WRN: variants seen among roughly 807,000 people sequenced by gnomAD.
The protein encoded by WRN is WRN RecQ like helicase, also known as bifunctional 3'-5' exonuclease/ATP-dependent helicase WRN.
In WRN, 149 loss-of-function variants were observed where a neutral mutation model predicts 180.7. The ratio of observed to expected loss-of-function variants is 0.82; its 90% confidence interval spans 0.72 to 0.94. WRN has a LOEUF of 0.94. Ranked by LOEUF, WRN falls within the 40% of genes least tolerant of loss-of-function variation. The pLI, the probability that WRN is intolerant of heterozygous loss-of-function variation, is 0.00. For synonymous variants in WRN, 548 were observed against 568.9 expected (o/e 0.96, Z 0.52); for missense variants, 1,661 against 1,700.1 (o/e 0.98, Z 0.40).
intron 1 of WRN, among the ~76,000 whole-genome samples, chr8:31,034,330 A>T (rs777167051): frequency 6.6e-6 from 1 of 152,204 alleles, no homozygotes; most frequent in Non-Finnish European, 1.5e-5. Context: ...CCTGCTGTCT[A>T]TGATTTAGCA....
At chr8:31,101,787 CAAAAAAAAAAAA>C (rs60342321) in intron 18 of WRN, among the ~76,000 whole-genome samples, 3 of 42,056 alleles carry the variant, frequency 7.1e-5, no homozygotes, top group East Asian at 1.5e-3. Flanking sequence ...AACTCTGTCT[CAAAAAAAAAAAA>C]AAAAAAAAAA....
intron 19 of WRN, 97 bp downstream of exon 19, chr8:31,111,896 C>A: frequency 7.3e-7 from 1 of 1,371,548 alleles, no homozygotes; most frequent in Non-Finnish European, 1.0e-6. Flanking sequence ...CCTTCTAATG[C>A]ATATTTAACA....
intron 31 of WRN, among the ~76,000 whole-genome samples, chr8:31,154,298 C>T (rs1478459322): frequency 6.6e-6 from 1 of 151,878 alleles, no homozygotes; most frequent in African/African-American, 2.4e-5. Flanking sequence ...TATTCACTTC[C>T]AGGAGATTGG....
chr8:31,035,273 G>T (rs1228546726), intron 1 of WRN, among the ~76,000 whole-genome samples: 7 of 151,726 alleles, frequency 4.6e-5, no homozygotes. Flanking sequence ...GGGATGAAGA[G>T]TGTGTGTGTG....
At chr8:31,127,395 C>A (rs939875199) in intron 23 of WRN, among the ~76,000 whole-genome samples, 3 of 152,020 alleles carry the variant, frequency 2.0e-5, no homozygotes, top group Non-Finnish European at 2.9e-5. Flanking sequence ...CACATACATA[C>A]AACCAATTTG....
chr8:31,124,926 T>A lies in WRN; in HGVS notation c.2751T>A (p.Phe917Leu), dbSNP rs201406649. Residue 917 changes from phenylalanine (F) to leucine (L), a missense_variant, in exon 23 of 35, where the codon TTT becomes TTA. By Grantham distance (22) the Phe-to-Leu change is conservative. Coordinates refer to ENST00000298139, the MANE Select transcript of WRN (RefSeq NM_000553.6). ...RCRRQIILSH[F>L]EDKQVQKASL... Reference sequence around the variant, plus strand: ...TGGGTAGAATCATCTTGTCTCATTTTGAGGACAAACAAGTACAAAAAGCCT... The same window carrying A: ...TGGGTAGAATCATCTTGTCTCATTTAGAGGACAAACAAGTACAAAAAGCCT... 2 of 1,613,084 alleles carry A rather than the reference T, an allele frequency of 1.2e-6. No homozygotes were observed. The highest frequency in any genetic ancestry group is 3.3e-5 in the Admixed American group (2 of 59,992).
At position 31,065,572 on chromosome 8, in the gene WRN, A is replaced by AT. The variant is rs530178825; in HGVS notation, c.504+517dup. Among the ~76,000 whole-genome samples, 23 of 151,524 alleles carry AT rather than the reference A, an allele frequency of 1.5e-4. No homozygotes were observed. The East Asian group carries it at 2.1e-3, about 14-fold the overall frequency. The stretch of plus-strand genomic sequence containing the variant: ...CCCTGCAAAGGACATGATCTTATTT[A>AT]TTTTTTTTATGGCTGCATAGTATTC... On this transcript the variant is annotated intron_variant, in intron 5 of 34. Coordinates refer to ENST00000298139, the MANE Select transcript of WRN (RefSeq NM_000553.6).
At position 31,071,635 on chromosome 8, in the gene WRN, C is replaced by T. The variant is rs570599057; in HGVS notation, c.724+3308C>T. The stretch of plus-strand genomic sequence containing the variant: ...TAACTGGGATTACAGGTGCCTGCCA[C>T]CACGCCCAGCTAATTTTTGTGTGTT... On this transcript the variant is annotated intron_variant, in intron 7 of 34. Coordinates refer to ENST00000298139, the MANE Select transcript of WRN (RefSeq NM_000553.6). 2.5e-3 allele frequency among the ~76,000 whole-genome samples: 386 copies of T among 152,268 alleles called. 1 individual carries two copies. Among genetic ancestry groups the T allele is most frequent in the Admixed American group, 4.6e-3 (71 of 15,304 alleles).
chr8:31,091,649 A>G (rs541447899), intron 15 of WRN, among the ~76,000 whole-genome samples, 181 bp from the exon 16 acceptor site: 1 of 152,196 alleles, frequency 6.6e-6, no homozygotes, highest in Non-Finnish European at 1.5e-5. Context: ...CCACCTTAAA[A>G]ACTTGCATTC....
chr8:31,101,800 A>G (rs2130235087), intron 18 of WRN, among the ~76,000 whole-genome samples: 1 of 151,518 alleles, frequency 6.6e-6, no homozygotes, highest in Admixed American at 6.6e-5. Context: ...AAAAAAAAAA[A>G]AAAAAAAAAA....
chr8:31,068,178 C>A, intron 6 of WRN, 80 bp from the exon 7 acceptor site: 1 of 1,066,974 alleles, frequency 9.4e-7, no homozygotes, highest in Non-Finnish European at 1.4e-6. Context: ...TCATTCTCTT[C>A]GATTTTTCTG....
chr8:31,140,531 T>C (rs1802578473), intron 24 of WRN, among the ~76,000 whole-genome samples: 1 of 151,828 alleles, frequency 6.6e-6, no homozygotes, highest in African/African-American at 2.4e-5. Flanking sequence ...GTAGGAATTC[T>C]CCCTTCACTT....
chr8:31,101,552 C>T (rs971440007), intron 18 of WRN, among the ~76,000 whole-genome samples: 2 of 151,878 alleles, frequency 1.3e-5, no homozygotes, highest in African/African-American at 2.4e-5. Context: ...TTTGGGAGGC[C>T]GAGGTGGGTG....
intron 5 of WRN, 50 bp downstream of exon 5, chr8:31,065,113 C>T (rs764389455): frequency 2.2e-5 from 35 of 1,569,166 alleles, no homozygotes; most frequent in Non-Finnish European, 2.4e-5. Flanking sequence ...TTTTGTGTTA[C>T]ACAGAATGTA....
At chr8:31,125,081 A>G (rs1801867590) in intron 23 of WRN, 81 bp downstream of exon 23, 1 of 1,324,952 alleles carries the variant, frequency 7.5e-7, no homozygotes, top group African/African-American at 1.5e-5. Flanking sequence ...TTTTTGTTGA[A>G]TGATAAGTAT....
rs1804161611 is a variant in WRN at position 31,173,027 on chromosome 8, T to G, written c.4224T>G (p.Pro1408=). 1 of 1,613,970 alleles carries G rather than the reference T, an allele frequency of 6.2e-7. No homozygotes were observed. Among genetic ancestry groups the G allele is most frequent in the Middle Eastern group, 1.7e-4 (1 of 6,058 alleles). ...CTGCAGAGAGAAAGAGACGATTACC[T>G]GTGTGGTTTGCCAAAGGAAGTGATA... ...TSSAERKRRL[P]VWFAKGSDTS... is the part of the protein sequence containing the mutation. The change falls in exon 35 of 35, where the codon CCT becomes CCG. Residue 1408 remains proline (P), a synonymous_variant. Coordinates refer to ENST00000298139, the MANE Select transcript of WRN (RefSeq NM_000553.6).
chr8:31,155,031 A>T lies in WRN; in HGVS notation c.3819+276A>T, dbSNP rs1017519637. Among the ~76,000 whole-genome samples the T allele has an allele frequency of 2.0e-4, 31 of 152,240 alleles. 2 individuals are homozygous for T. ...ATTTGTAGCTCAGGGATACTGCATC[A>T]GCCATATTTTAAAATGGGACTAACA... On this transcript the variant is annotated intron_variant, in intron 32 of 34. Coordinates refer to ENST00000298139, the MANE Select transcript of WRN (RefSeq NM_000553.6).
intron 7 of WRN, among the ~76,000 whole-genome samples, chr8:31,071,306 G>A (rs1364885867): frequency 1.3e-5 from 2 of 152,028 alleles, no homozygotes; most frequent in Non-Finnish European, 2.9e-5. Flanking sequence ...CAGCAGTGAA[G>A]TGAATTACAT....
chr8:31,155,842 G>A (rs1451401180), intron 32 of WRN, among the ~76,000 whole-genome samples: 1 of 152,102 alleles, frequency 6.6e-6, no homozygotes, highest in African/African-American at 2.4e-5. Context: ...TCTATTGTCT[G>A]TGGTTCCATC....
Sources: allele counts gnomAD v4.1 joint callset (sites outside exome capture counted in the v4.1 genomes callset), GRCh38; gene constraint gnomAD v4.1.1; transcripts MANE v1.5; gene names NCBI Gene and HGNC (gene_info 2026-07-23, HGNC 2026-07-21).